Variants in NLGN1 observed in about 807,000 individuals in gnomAD.
NLGN1 encodes neuroligin 1, also known as neuroligin-1.
A neutral mutation model predicts 65.5 loss-of-function variants in NLGN1; 12 were observed. That is an observed-to-expected ratio of 0.18 (90% CI 0.12 to 0.30). The LOEUF (loss-of-function observed/expected upper bound fraction) is 0.30, where lower values mean the gene tolerates loss of function less well. NLGN1 is among the 10% of genes least tolerant of loss of function. NLGN1 has a pLI of 1.00. For missense variants in NLGN1, 750 were observed against 1,007.1 expected (o/e 0.74, Z 3.46); for synonymous variants, 350 against 359.5 (o/e 0.97, Z 0.30).
intron 3 of NLGN1, among the ~76,000 whole-genome samples, chr3:173,761,425 A>T (rs1197262542): frequency 6.6e-6 from 1 of 152,026 alleles, no homozygotes; most frequent in African/African-American, 2.4e-5. Flanking sequence ...GTCGATGGGT[A>T]AGAGGTAGGG....
chr3:173,797,170 G>T, intron 3 of NLGN1, among the ~76,000 whole-genome samples: 1 of 152,152 alleles, frequency 6.6e-6, no homozygotes, highest in Non-Finnish European at 1.5e-5. Context: ...AGAGAAACCA[G>T]TGTGGAGTTT....
intron 4 of NLGN1, among the ~76,000 whole-genome samples, chr3:174,225,430 C>A (rs1391075594): frequency 1.3e-5 from 2 of 152,110 alleles, no homozygotes; most frequent in South Asian, 4.1e-4. Context: ...GGCTTTATTC[C>A]TGTAATATTA....
intron 2 of NLGN1, among the ~76,000 whole-genome samples, chr3:173,578,125 A>G (rs1325442257): frequency 6.6e-6 from 1 of 151,612 alleles, no homozygotes; most frequent in Non-Finnish European, 1.5e-5. Flanking sequence ...AGTCCCAGCT[A>G]CTCGGGAGGC....
rs74931041 is a variant in NLGN1 at position 173,961,004 on chromosome 3, T to G, written c.646+153172T>G. Among the ~76,000 whole-genome samples, 145 of 152,254 alleles carry G rather than the reference T, an allele frequency of 9.5e-4. 2 individuals carry two copies. In the East Asian group the frequency reaches 0.024, roughly 26 times the overall value. On this transcript the variant is annotated intron_variant, in intron 4 of 6. Coordinates refer to ENST00000457714, the Ensembl canonical transcript of NLGN1. ...TTTGAGTAACATATCTTTATCTGTC[T>G]TTTTGCATTTAATTTTCTTGTTAGT... is the stretch of plus-strand genomic sequence containing the variant.
chr3:174,004,135 A>T (rs1723880661), intron 4 of NLGN1, among the ~76,000 whole-genome samples: 1 of 152,154 alleles, frequency 6.6e-6, no homozygotes, highest in African/African-American at 2.4e-5. Flanking sequence ...GATCACTTCC[A>T]GTGATCTGGA....
In NLGN1 at chr3:173,517,775, TATC is replaced by T. The variant is rs1734061010; in HGVS notation, c.-321+82698_-321+82700del. ...TTATCTATCTATCTATCTATCTATC[TATC>T]TATCTATCTATCTATCTATCTATCA... On this transcript the variant is annotated intron_variant, in intron 2 of 6. Transcript: ENST00000457714. Among the ~76,000 whole-genome samples the T allele has an allele frequency of 2.6e-5, 4 of 151,878 alleles. No homozygotes were observed. The South Asian group carries it at 8.3e-4, about 32-fold the overall frequency.
chr3:173,596,959 T>A (rs1196539096), intron 2 of NLGN1, among the ~76,000 whole-genome samples: 1 of 152,190 alleles, frequency 6.6e-6, no homozygotes, highest in African/African-American at 2.4e-5. Flanking sequence ...CAACCCTGAC[T>A]TCTATCATTT....
At chr3:173,799,087 G>A (rs1237510200) in intron 3 of NLGN1, among the ~76,000 whole-genome samples, 3 of 151,828 alleles carry the variant, frequency 2.0e-5, no homozygotes, top group Non-Finnish European at 4.4e-5. Flanking sequence ...TTATATTATT[G>A]AAATCAGTAC....
At chr3:174,231,762 C>T (rs958687855) in intron 4 of NLGN1, among the ~76,000 whole-genome samples, 1 of 152,148 alleles carries the variant, frequency 6.6e-6, no homozygotes, top group African/African-American at 2.4e-5. Context: ...TCCCAAGTCA[C>T]GCCAGCCTAG....
At chr3:173,671,594 C>A (rs1762459226) in intron 3 of NLGN1, among the ~76,000 whole-genome samples, 1 of 152,192 alleles carries the variant, frequency 6.6e-6, no homozygotes, top group African/African-American at 2.4e-5. Context: ...ACTTCTCCTG[C>A]CACTTTACGT....
chr3:173,983,944 C>T (rs932930861), intron 4 of NLGN1, among the ~76,000 whole-genome samples: 1 of 152,190 alleles, frequency 6.6e-6, no homozygotes, highest in African/African-American at 2.4e-5. Flanking sequence ...CCAATACATA[C>T]TTGTGGATTA....
At chr3:173,524,092 T>G (rs933195550) in intron 2 of NLGN1, among the ~76,000 whole-genome samples, 7 of 146,956 alleles carry the variant, frequency 4.8e-5, no homozygotes, top group African/African-American at 1.7e-4. Context: ...AGCTAATTTT[T>G]TTTTTTTGTA....
At chr3:173,972,560 G>A (rs977424922) in intron 4 of NLGN1, among the ~76,000 whole-genome samples, 4 of 152,038 alleles carry the variant, frequency 2.6e-5, no homozygotes, top group Non-Finnish European at 5.9e-5. Context: ...TTTCACAAAT[G>A]TGGAAGAGAA....
At chr3:173,970,558 AT>A (rs1311475910) in intron 4 of NLGN1, among the ~76,000 whole-genome samples, 1 of 151,940 alleles carries the variant, frequency 6.6e-6, no homozygotes, top group Non-Finnish European at 1.5e-5. Flanking sequence ...AAAAAGTTGG[AT>A]TTTATCCAGA....
chr3:174,019,803 G>C, intron 4 of NLGN1, among the ~76,000 whole-genome samples: 1 of 152,082 alleles, frequency 6.6e-6, no homozygotes, highest in South Asian at 2.1e-4. Flanking sequence ...GCATAGTTAC[G>C]CACTAGAACA....
In NLGN1 at chr3:173,473,002, A is replaced by T. The variant is rs1335886726; in HGVS notation, c.-321+37924A>T. ...TATCTCAGAGATTCATATTTATTTC[A>T]CAAAAGATAAATATATTGAGGAATC... On this transcript the variant is annotated intron_variant, in intron 2 of 6. Transcript: ENST00000457714. 2.0e-5 allele frequency among the ~76,000 whole-genome samples: 3 copies of T among 152,172 alleles called. No homozygotes were observed. The East Asian group carries it at 5.8e-4, about 29-fold the overall frequency.
intron 4 of NLGN1, among the ~76,000 whole-genome samples, chr3:173,991,461 T>C (rs746545452): frequency 6.6e-6 from 1 of 152,294 alleles, no homozygotes; most frequent in Non-Finnish European, 1.5e-5. Flanking sequence ...AAATTTTCTG[T>C]GATGAAAGAA....
At chr3:174,092,243 A>T (rs1239227676) in intron 4 of NLGN1, among the ~76,000 whole-genome samples, 1 of 152,146 alleles carries the variant, frequency 6.6e-6, no homozygotes, top group East Asian at 1.9e-4. Flanking sequence ...TGAGCTGGGG[A>T]GAGACACATA....
intron 1 of NLGN1, among the ~76,000 whole-genome samples, chr3:173,414,204 T>G (rs1297618587): frequency 2.0e-5 from 3 of 152,208 alleles, no homozygotes; most frequent in African/African-American, 7.2e-5. Context: ...AACTGGTAGC[T>G]GTGTTGCTGA....
Sources: allele counts gnomAD v4.1 joint callset (sites outside exome capture counted in the v4.1 genomes callset), GRCh38; gene constraint gnomAD v4.1.1; transcripts MANE v1.5; gene names NCBI Gene and HGNC (gene_info 2026-07-23, HGNC 2026-07-21).